Variants in CDC42SE2 observed in about 807,000 individuals in gnomAD.
The protein encoded by CDC42SE2 is CDC42 small effector 2, also known as CDC42 small effector protein 2.
Under a neutral mutation model 11.5 loss-of-function variants are expected in CDC42SE2, and 3 were observed. That is an observed-to-expected ratio of 0.26 (90% confidence interval 0.12 to 0.67). The LOEUF (loss-of-function observed/expected upper bound fraction) is 0.67, where lower values mean the gene tolerates loss of function less well. Among genes scored for constraint, CDC42SE2 ranks in the 30% least tolerant of loss-of-function variants. The probability of loss-of-function intolerance (pLI) is 0.80; values close to 1 mark genes in which losing one functional copy is unlikely to be tolerated. For synonymous variants in CDC42SE2, 33 were observed against 34.8 expected (o/e 0.95, Z 0.18); for missense variants, 82 against 106.8 (o/e 0.77, Z 1.02).
At chr5:131,276,204 T>C (rs866237884) in intron 1 of CDC42SE2, among the ~76,000 whole-genome samples, 14 of 149,000 alleles carry the variant, frequency 9.4e-5, no homozygotes. Context: ...CCCAGCACTT[T>C]GGGAGGCTGA....
In CDC42SE2 at chr5:131,390,998, C is replaced by T. The variant is rs1011798871; in HGVS notation, c.162C>T (p.Ser54=). ...GTATTTTTGTCTTGTTTTAGGTTAG[C>T]TCCATTCAGAACCAAATGCAGTCCA... ...GDLFSGMNSV[S]SIQNQMQSKG... Residue 54 remains serine, a synonymous_variant, in exon 5 of 5, where the codon AGC becomes AGT. Transcript: ENST00000505065. The T allele has an allele frequency of 2.5e-6, 4 of 1,609,012 alleles. No homozygotes were observed. In the African/African-American group the frequency reaches 4.0e-5, roughly 16 times the overall value.
chr5:131,378,803 CTT>C (rs1043832171), intron 3 of CDC42SE2, among the ~76,000 whole-genome samples: 2 of 152,068 alleles, frequency 1.3e-5, no homozygotes, highest in African/African-American at 4.8e-5. Flanking sequence ...TCCATACTGA[CTT>C]TTGCATAGTG....
intron 3 of CDC42SE2, 143 bp downstream of exon 3, chr5:131,359,690 C>A: frequency 1.4e-6 from 1 of 699,480 alleles, no homozygotes. Flanking sequence ...GAACTCCGAA[C>A]ATATGTTTAA....
chr5:131,213,752 G>A, the CDC42SE2 span, among the ~76,000 whole-genome samples: 1 of 152,138 alleles, frequency 6.6e-6, no homozygotes, highest in East Asian at 1.9e-4. Flanking sequence ...CACCCAGCCT[G>A]GATACTGATT....
intron 3 of CDC42SE2, among the ~76,000 whole-genome samples, chr5:131,383,681 A>C (rs954089872): frequency 2.6e-5 from 4 of 152,226 alleles, no homozygotes; most frequent in African/African-American, 9.6e-5. Flanking sequence ...CTACTTTTAC[A>C]GGCTAAATCT....
At chr5:131,310,129 A>G (rs1337472035) in intron 1 of CDC42SE2, among the ~76,000 whole-genome samples, 1 of 151,726 alleles carries the variant, frequency 6.6e-6, no homozygotes, top group Non-Finnish European at 1.5e-5. Context: ...TGTGTCCCAG[A>G]GATTCTGGTA....
At chr5:131,254,961 C>T (rs1756669234) in intron 1 of CDC42SE2, 2 of 151,822 alleles carry the variant, frequency 1.3e-5, no homozygotes, top group South Asian at 4.2e-4. Flanking sequence ...TGAAGTGTGA[C>T]TCATTATAAC....
intron 1 of CDC42SE2, among the ~76,000 whole-genome samples, chr5:131,286,482 A>AT (rs576476143): frequency 1.1e-3 from 169 of 147,260 alleles, no homozygotes; most frequent in African/African-American, 4.0e-3. Context: ...AATGCCAACT[A>AT]TTTCATGACT....
chr5:131,289,105 T>C (rs1757399361), intron 1 of CDC42SE2, among the ~76,000 whole-genome samples: 1 of 152,156 alleles, frequency 6.6e-6, no homozygotes, highest in Non-Finnish European at 1.5e-5. Context: ...TTGCAAAAGA[T>C]TTAGTTTCTG....
rs574411199 is a variant in CDC42SE2, at chr5:131,383,399, C to CT, written c.55-2142dup. Among the ~76,000 whole-genome samples the CT allele has an allele frequency of 4.4e-4, 67 of 152,260 alleles. 1 individual carries two copies. In the South Asian group the frequency reaches 8.5e-3, roughly 19 times the overall value. ...CAGGGCCCCAAAAGACAGACAGTTT[C>CT]TTACCAACTTTCAAAAAAAGGCTTG... is the stretch of plus-strand genomic sequence containing the variant. On this transcript the variant is annotated intron_variant, in intron 3 of 4. Transcript: ENST00000505065.
At chr5:131,287,177 T>G (rs1364753814) in intron 1 of CDC42SE2, among the ~76,000 whole-genome samples, 2 of 151,750 alleles carry the variant, frequency 1.3e-5, no homozygotes, top group Middle Eastern at 3.2e-3. Flanking sequence ...GTATTTTTAG[T>G]AGAGACTGGG....
At chr5:131,235,459 T>G in the CDC42SE2 span, among the ~76,000 whole-genome samples, 1 of 150,844 alleles carries the variant, frequency 6.6e-6, no homozygotes, top group East Asian at 2.0e-4. Flanking sequence ...CCAGCTAATT[T>G]TTGTATTTTT....
At chr5:131,288,425 A>G (rs780074962) in intron 1 of CDC42SE2, among the ~76,000 whole-genome samples, 12 of 152,190 alleles carry the variant, frequency 7.9e-5, no homozygotes, top group Non-Finnish European at 1.8e-4. Flanking sequence ...ATATCAGCCT[A>G]TTGAGTAGTT....
At chr5:131,370,151 A>G (rs1439645922) in intron 3 of CDC42SE2, among the ~76,000 whole-genome samples, 1 of 152,224 alleles carries the variant, frequency 6.6e-6, no homozygotes, top group Non-Finnish European at 1.5e-5. Context: ...TCCATGTTGT[A>G]GACCATTGAT....
intron 4 of CDC42SE2, among the ~76,000 whole-genome samples, chr5:131,386,309 C>G (rs1455418296): frequency 6.6e-6 from 1 of 152,234 alleles, no homozygotes; most frequent in Non-Finnish European, 1.5e-5. Context: ...TGCTCACTTG[C>G]AGCTGCTCAC....
chr5:131,338,600 C>T (rs536351378), intron 2 of CDC42SE2, among the ~76,000 whole-genome samples: 16 of 152,290 alleles, frequency 1.1e-4, no homozygotes, highest in Admixed American at 8.5e-4. Flanking sequence ...TATATGTTTA[C>T]TCATTTAATC....
chr5:131,329,879 CAAAAA>C (rs747152132), intron 2 of CDC42SE2, among the ~76,000 whole-genome samples: 3 of 56,622 alleles, frequency 5.3e-5, no homozygotes, highest in African/African-American at 1.0e-4. Context: ...AACTCCATCT[CAAAAA>C]AAAAAAAAAA....
intron 2 of CDC42SE2, among the ~76,000 whole-genome samples, chr5:131,333,037 C>T (rs1758459935): frequency 6.6e-6 from 1 of 152,156 alleles, no homozygotes; most frequent in African/African-American, 2.4e-5. Context: ...ACATGAAGTC[C>T]TTGCCCGTGC....
chr5:131,296,780 C>A (rs1757578766), intron 1 of CDC42SE2, among the ~76,000 whole-genome samples: 1 of 152,118 alleles, frequency 6.6e-6, no homozygotes, highest in South Asian at 2.1e-4. Context: ...AGAGGCTTTA[C>A]AGTTTGATTA....
Sources: allele counts gnomAD v4.1 joint callset (sites outside exome capture counted in the v4.1 genomes callset), GRCh38; gene constraint gnomAD v4.1.1; transcripts MANE v1.5; gene names NCBI Gene and HGNC (gene_info 2026-07-23, HGNC 2026-07-21).